Variants in MBOAT1 observed in about 807,000 individuals in gnomAD.
MBOAT1 encodes membrane-bound glycerophospholipid O-acyltransferase 1.
MBOAT1 carries 67 observed loss-of-function variants against 64.4 expected under a neutral mutation model. The ratio of observed to expected loss-of-function variants is 1.04; its 90% confidence interval spans 0.85 to 1.27. The LOEUF (loss-of-function observed/expected upper bound fraction) is 1.27, where lower values mean the gene tolerates loss of function less well. MBOAT1 is among the 50% of genes most tolerant of loss of function. The probability of loss-of-function intolerance (pLI) is 0.00; values close to 1 mark genes in which losing one functional copy is unlikely to be tolerated. For synonymous variants in MBOAT1, 229 were observed against 218.9 expected, an observed-to-expected ratio of 1.05 and a Z score of -0.41; for missense variants, 563 against 604.6, an observed-to-expected ratio of 0.93 and a Z score of 0.72.
chr6:20,156,526 G>A (rs1761693173), intron 1 of MBOAT1, among the ~76,000 whole-genome samples: 1 of 152,198 alleles, frequency 6.6e-6, no homozygotes, highest in African/African-American at 2.4e-5. Flanking sequence ...TAGTAGGAGG[G>A]TTCTAGCAGA....
chr6:20,110,962 C>T (rs1032771733), intron 11 of MBOAT1, among the ~76,000 whole-genome samples: 1 of 152,180 alleles, frequency 6.6e-6, no homozygotes. Flanking sequence ...CTAATACAAG[C>T]AGCTACCATT....
Position 20,131,094 on chromosome 6 carries a change from C to A in MBOAT1, c.475+50G>T, listed in dbSNP as rs1760813700. 2.7e-6 allele frequency: 4 copies of A among 1,484,270 alleles called. No homozygotes were observed. The Admixed American group carries it at 6.7e-5, about 25-fold the overall frequency. 91.9% of individuals were successfully genotyped at this position (1,484,270 alleles called of 1,614,324 possible). ...TGTACATAGTATAAAAAGAAGAGCT[C>A]TGCATGTCAGGCTCACTCTGAGAAC... On this transcript the variant is annotated intron_variant, in intron 5 of 12. Coordinates refer to ENST00000324607, the MANE Select transcript of MBOAT1 (RefSeq NM_001080480.3).
At chr6:20,145,879 C>T (rs1761311360) in intron 3 of MBOAT1, among the ~76,000 whole-genome samples, 1 of 152,212 alleles carries the variant, frequency 6.6e-6, no homozygotes, top group South Asian at 2.1e-4. Flanking sequence ...TGGTCTTACT[C>T]CATGCATCCT....
At position 20,200,955 on chromosome 6, in the gene MBOAT1, T is replaced by C. The variant is rs545100148; in HGVS notation, c.99+11181A>G. On this transcript the variant is annotated intron_variant, in intron 1 of 12. Transcript: ENST00000324607. ...ACATCCCGGAGAGTATCTGCGAACA[T>C]ATCTACAAAAAAATACACAGTTGCA... Among the ~76,000 whole-genome samples, 12 of 152,176 alleles carry C rather than the reference T, an allele frequency of 7.9e-5. No homozygotes were observed. The South Asian group carries it at 1.5e-3, about 18-fold the overall frequency.
chr6:20,112,724 T>C, intron 11 of MBOAT1, 152 bp downstream of exon 11: 5 of 786,428 alleles, frequency 6.4e-6, no homozygotes, highest in South Asian at 6.3e-5. Flanking sequence ...AGTATTTCTC[T>C]AATGGGAAGA....
chr6:20,109,176 C>CA (rs1760046792), intron 12 of MBOAT1, among the ~76,000 whole-genome samples: 2 of 152,160 alleles, frequency 1.3e-5, no homozygotes, highest in South Asian at 4.1e-4. Context: ...ACCACTCGAT[C>CA]AGGCAATGAC....
rs891359505 is a variant in MBOAT1 at position 20,177,799 on chromosome 6, C to T, written c.100-25030G>A. On this transcript the variant is annotated intron_variant, in intron 1 of 12. Transcript: ENST00000324607. The stretch of plus-strand genomic sequence containing the variant: ...AAAAAAAAAAAAAAAAAACAAAAAA[C>T]TTGGTAAATGTTTCCAAGGCATTAT... Among the ~76,000 whole-genome samples, 36 of 144,126 alleles carry T rather than the reference C, an allele frequency of 2.5e-4. 1 individual carries two copies. Among genetic ancestry groups the T allele is most frequent in the African/African-American group, 8.8e-4 (35 of 39,686 alleles). 94.6% of individuals were successfully genotyped at this position (144,126 alleles called of 152,430 possible). A position where few individuals can be genotyped will look rare whatever the true frequency, so the allele number is the denominator to read the frequency against.
intron 12 of MBOAT1, among the ~76,000 whole-genome samples, chr6:20,103,508 C>T (rs746204348): frequency 3.4e-4 from 52 of 151,846 alleles, no homozygotes; most frequent in African/African-American, 9.9e-4. Flanking sequence ...CTCGGCTCAC[C>T]GCAACCTCCA....
intron 4 of MBOAT1, among the ~76,000 whole-genome samples, chr6:20,140,912 G>GT (rs1390790577): frequency 1.3e-5 from 2 of 152,150 alleles, no homozygotes; most frequent in African/African-American, 4.8e-5. Context: ...GATGAGGGAG[G>GT]TATCTGTGGC....
At chr6:20,197,847 A>G (rs1561785555) in intron 1 of MBOAT1, among the ~76,000 whole-genome samples, 1 of 152,100 alleles carries the variant, frequency 6.6e-6, no homozygotes, top group Non-Finnish European at 1.5e-5. Flanking sequence ...GCTGTCTCAG[A>G]TATTTTGGGT....
intron 4 of MBOAT1, among the ~76,000 whole-genome samples, chr6:20,140,427 G>A (rs1186893468): frequency 6.6e-6 from 1 of 152,210 alleles, no homozygotes; most frequent in Non-Finnish European, 1.5e-5. Flanking sequence ...GTGTACCTAT[G>A]AGGGTTTCCA....
chr6:20,168,694 A>T (rs1025643698), intron 1 of MBOAT1, among the ~76,000 whole-genome samples: 1 of 131,088 alleles, frequency 7.6e-6, no homozygotes, highest in African/African-American at 2.8e-5. Flanking sequence ...AGAAAGAAGA[A>T]GAGAGGAGAG....
intron 3 of MBOAT1, among the ~76,000 whole-genome samples, chr6:20,148,185 C>T (rs761960369): frequency 1.3e-5 from 2 of 152,132 alleles, no homozygotes; most frequent in Non-Finnish European, 2.9e-5. Context: ...TTTGGGAAGC[C>T]GAGGCAGGCA....
At chr6:20,137,234 TCA>T (rs1276516222) in intron 4 of MBOAT1, among the ~76,000 whole-genome samples, 1 of 152,206 alleles carries the variant, frequency 6.6e-6, no homozygotes, top group Admixed American at 6.5e-5. Context: ...AGTTCTCATT[TCA>T]CAGTGTTTAC....
At chr6:20,142,900 C>T (rs1761220141) in intron 4 of MBOAT1, among the ~76,000 whole-genome samples, 1 of 152,176 alleles carries the variant, frequency 6.6e-6, no homozygotes, top group Admixed American at 6.5e-5. Flanking sequence ...CATGAAAAAC[C>T]AGTCTGAGAC....
intron 4 of MBOAT1, among the ~76,000 whole-genome samples, chr6:20,131,883 C>A (rs544702027): frequency 6.6e-6 from 1 of 151,506 alleles, no homozygotes; most frequent in African/African-American, 2.4e-5. Flanking sequence ...CCATTCCAGA[C>A]CTAGAAAATG....
At chr6:20,114,930 C>G (rs1272124255) in intron 10 of MBOAT1, among the ~76,000 whole-genome samples, 1 of 151,724 alleles carries the variant, frequency 6.6e-6, no homozygotes, top group Non-Finnish European at 1.5e-5. Flanking sequence ...ACCATTTGAG[C>G]TTGTATCTAT....
intron 1 of MBOAT1, among the ~76,000 whole-genome samples, chr6:20,198,775 A>G (rs185417131): frequency 6.6e-6 from 1 of 152,284 alleles, no homozygotes; most frequent in East Asian, 1.9e-4. Context: ...TCAATTTCTA[A>G]ATTGTTTTAT....
chr6:20,176,923 C>G (rs1269316692), intron 1 of MBOAT1, among the ~76,000 whole-genome samples: 1 of 152,170 alleles, frequency 6.6e-6, no homozygotes, highest in Admixed American at 6.6e-5. Flanking sequence ...TACGTCCAGC[C>G]TACTATTCAT....
Sources: gnomAD v4.1 joint callset for allele counts (sites outside exome capture counted in the v4.1 genomes callset) on GRCh38, gnomAD v4.1.1 for gene constraint, MANE v1.5 for transcripts, NCBI Gene and HGNC (gene_info 2026-07-23, HGNC 2026-07-21) for gene names.